F3: variants seen among roughly 807,000 people sequenced by gnomAD.
F3 encodes the protein coagulation factor III, tissue factor.
F3 carries 18 observed loss-of-function variants against 33.5 expected under a neutral mutation model. The observed-to-expected ratio is 0.54, with a 90% CI of 0.37 to 0.80. F3 has a LOEUF of 0.80. Among genes scored for constraint, F3 ranks in the 30% least tolerant of loss-of-function variants. F3 has a pLI of 0.00. For synonymous variants in F3, 147 were observed against 140.7 expected (o/e 1.05, Z -0.32); for missense variants, 353 against 362.1 (o/e 0.97, Z 0.20).
chr1:94,531,179 G>A (rs550687096), intron 5 of F3, among the ~76,000 whole-genome samples: 1 of 152,202 alleles, frequency 6.6e-6, no homozygotes, highest in South Asian at 2.1e-4. Flanking sequence ...CAGGACCAGA[G>A]GTAAAGAGAA....
rs909705641 is a variant in F3 at position 94,541,598 on chromosome 1, C to T, written c.39G>A (p.Glu13=). The change falls in exon 1 of 6, where the codon GAG becomes GAA. Residue 13 remains glutamate, a synonymous_variant. Transcript: ENST00000334047. ...GCAGGAGCGTCCGAGCGACGGCGGT[C>T]TCGGGGCGCGGGACCCGGGGCCAGG... ...TPAWPRVPRP[E]TAVARTLLLG... 3 of 1,466,806 alleles carry T rather than the reference C, an allele frequency of 2.0e-6. No homozygotes were observed. In the African/African-American group the frequency reaches 4.4e-5, roughly 21 times the overall value. 90.9% of individuals were successfully genotyped at this position (1,466,806 alleles called of 1,614,324 possible). A position where few individuals can be genotyped will look rare whatever the true frequency, so the allele number is the denominator to read the frequency against.
At chr1:94,541,442 C>A (rs1339113465) in intron 1 of F3, 95 bp downstream of exon 1, 16 of 1,024,490 alleles carry the variant, frequency 1.6e-5, no homozygotes, top group Non-Finnish European at 2.1e-5. Context: ...ACATGGGCGC[C>A]CCGGGGAACC....
intron 2 of F3, among the ~76,000 whole-genome samples, chr1:94,536,540 G>A (rs1185744864): frequency 6.6e-6 from 1 of 152,148 alleles, no homozygotes; most frequent in African/African-American, 2.4e-5. Context: ...GAGATTGGGT[G>A]ACTAGCTCAA....
chr1:94,531,894 G>T (rs1651444514), intron 5 of F3, among the ~76,000 whole-genome samples: 2 of 152,146 alleles, frequency 1.3e-5, no homozygotes, highest in Non-Finnish European at 2.9e-5. Context: ...TGTGGCAACA[G>T]CCCACAGTGG....
chr1:94,536,281 C>T, intron 2 of F3, 117 bp from the exon 3 acceptor site: 1 of 854,738 alleles, frequency 1.2e-6, no homozygotes, highest in South Asian at 1.5e-5. Flanking sequence ...TACAATCAAT[C>T]CTAATGATGC....
intron 2 of F3, among the ~76,000 whole-genome samples, chr1:94,537,476 GA>G (rs1320293050): frequency 6.6e-6 from 1 of 152,158 alleles, no homozygotes; most frequent in Non-Finnish European, 1.5e-5. Flanking sequence ...CTGTTAATAT[GA>G]ACACAGTCTG....
chr1:94,536,501 T>C (rs1458470569), intron 2 of F3, among the ~76,000 whole-genome samples: 1 of 152,170 alleles, frequency 6.6e-6, no homozygotes, highest in Non-Finnish European at 1.5e-5. Context: ...TTTGCCTTGT[T>C]TTTACAAATA....
Position 94,532,490 on chromosome 1 carries a change from GAT to G in F3, c.592-12_592-11del. Reference sequence around the variant, plus strand: ...TTGTTTTGGCTGTTTTCTGTAAAAAGATAGAGTTCTTAATTCATCTGGGCTCT... The same window carrying G: ...TTGTTTTGGCTGTTTTCTGTAAAAAGAGAGTTCTTAATTCATCTGGGCTCT... On this transcript the variant is annotated splice_polypyrimidine_tract_variant and intron_variant, in intron 4 of 5. Transcript: ENST00000334047. The G allele has an allele frequency of 6.2e-7, 1 of 1,613,544 alleles. No homozygotes were observed. Among genetic ancestry groups the G allele is most frequent in the Non-Finnish European group, 8.5e-7 (1 of 1,179,760 alleles).
chr1:94,531,669 G>A (rs1005914017), intron 5 of F3, among the ~76,000 whole-genome samples: 2 of 152,148 alleles, frequency 1.3e-5, no homozygotes, highest in African/African-American at 4.8e-5. Flanking sequence ...TCCCTGTAAG[G>A]CATGGATCGA....
Position 94,532,191 on chromosome 1 carries a change from C to A in F3, c.751+130G>T. 4.6e-6 allele frequency: 4 copies of A among 872,694 alleles called. 1 individual carries two copies. The highest frequency in any genetic ancestry group is 2.3e-5 in the South Asian group (1 of 43,864). 54.1% of individuals were successfully genotyped at this position (872,694 alleles called of 1,614,324 possible). On this transcript the variant is annotated intron_variant, in intron 5 of 5. Transcript: ENST00000334047. ...AAAACAAACAAATAACAACAAAAAA[C>A]CTCCAGGCAGTTTGTTTTCCTGAAT...
chr1:94,535,066 A>G (rs966111126), intron 3 of F3, among the ~76,000 whole-genome samples: 3 of 151,914 alleles, frequency 2.0e-5, no homozygotes, highest in Admixed American at 6.6e-5. Context: ...CCCTATTTCA[A>G]CCCTCAAAGT....
In F3 at chr1:94,532,500, T is replaced by A; in HGVS notation, c.592-20A>T. 1 of 1,612,582 alleles carries A rather than the reference T, an allele frequency of 6.2e-7. No individual in the cohort carries two copies. Among genetic ancestry groups the A allele is most frequent in the Non-Finnish European group, 8.5e-7 (1 of 1,179,246 alleles). On this transcript the variant is annotated intron_variant, in intron 4 of 5. Transcript: ENST00000334047. ...TGTTTTCTGTAAAAAGATAGAGTTC[T>A]TAATTCATCTGGGCTCTGAGTCAAT...
chr1:94,536,433 C>A (rs922984718), intron 2 of F3, among the ~76,000 whole-genome samples: 1 of 152,238 alleles, frequency 6.6e-6, no homozygotes, highest in Non-Finnish European at 1.5e-5. Context: ...CCTAGCAACA[C>A]CGAGCACTTG....
rs909941163 is a variant in F3, at chr1:94,530,682, C to T, written c.752-86G>A. On this transcript the variant is annotated intron_variant, in intron 5 of 5. Transcript: ENST00000334047. ...AAATTGACGGCATAACCCCAAATTA[C>T]ACCATCCTATTTTTGTGCAATTTGA... 12 of 1,509,438 alleles carry T rather than the reference C, an allele frequency of 7.9e-6. No individual in the cohort carries two copies. In the African/African-American group the frequency reaches 8.3e-5, roughly 10 times the overall value. 93.5% of individuals were successfully genotyped at this position (1,509,438 alleles called of 1,614,324 possible).
In F3 at chr1:94,541,660, G is replaced by C. The variant is rs768753666; in HGVS notation, c.-24C>G. 5.1e-6 allele frequency: 7 copies of C among 1,375,872 alleles called. No homozygotes were observed. Among genetic ancestry groups the C allele is most frequent in the African/African-American group, 1.5e-5 (1 of 66,638 alleles). 85.2% of individuals were successfully genotyped at this position (1,375,872 alleles called of 1,614,324 possible). A position where few individuals can be genotyped will look rare whatever the true frequency, so the allele number is the denominator to read the frequency against. ...ATGTCTACCAGTTGGCGGCGAGATC[G>C]AGCGGGTTCCGTGGCGCCCGTGGGG... On this transcript the variant is annotated 5_prime_UTR_variant, in exon 1 of 6. Coordinates refer to ENST00000334047, the MANE Select transcript of F3 (RefSeq NM_001993.5).
chr1:94,537,675 T>C (rs1431043434), intron 2 of F3, among the ~76,000 whole-genome samples: 1 of 152,228 alleles, frequency 6.6e-6, no homozygotes, highest in African/African-American at 2.4e-5. Context: ...TCTTTCAAAA[T>C]CTGAACTAAG....
intron 2 of F3, among the ~76,000 whole-genome samples, chr1:94,538,699 A>G (rs1651685223): frequency 6.6e-6 from 1 of 152,196 alleles, no homozygotes; most frequent in Non-Finnish European, 1.5e-5. Flanking sequence ...TCAGAGCAAC[A>G]GTTTCCTCAA....
chr1:94,537,133 T>C (rs1053746950), intron 2 of F3, among the ~76,000 whole-genome samples: 1 of 152,192 alleles, frequency 6.6e-6, no homozygotes, highest in Non-Finnish European at 1.5e-5. Flanking sequence ...ATCTGTCTAA[T>C]AAAGTCTGAG....
intron 5 of F3, among the ~76,000 whole-genome samples, chr1:94,531,287 T>A (rs1333686835): frequency 1.5e-5 from 2 of 137,252 alleles, no homozygotes; most frequent in African/African-American, 5.4e-5. Flanking sequence ...AGCCATCATT[T>A]CTTTTTTCGT....
Sources: gnomAD v4.1 joint callset for allele counts (sites outside exome capture counted in the v4.1 genomes callset) on GRCh38, gnomAD v4.1.1 for gene constraint, MANE v1.5 for transcripts, NCBI Gene and HGNC (gene_info 2026-07-23, HGNC 2026-07-21) for gene names.